Variants in INVS observed in about 807,000 individuals in gnomAD.
INVS encodes the protein inversin.
A neutral mutation model predicts 108.8 loss-of-function variants in INVS; 86 were observed. That is an observed-to-expected ratio of 0.79 (90% CI 0.66 to 0.95). The LOEUF (loss-of-function observed/expected upper bound fraction) is 0.95. Ranked by LOEUF, INVS falls within the 40% of genes least tolerant of loss-of-function variation. The pLI is 0.00. For synonymous variants in INVS, 455 were observed against 473.5 expected (o/e 0.96, Z 0.51); for missense variants, 1,169 against 1,297.4 (o/e 0.90, Z 1.52).
chr9:100,261,577 T>C (rs1397646114), intron 10 of INVS, among the ~76,000 whole-genome samples: 1 of 152,182 alleles, frequency 6.6e-6, no homozygotes, highest in East Asian at 1.9e-4. Context: ...GGAATGCATC[T>C]TTTATAATTT....
At chr9:100,121,272 A>G (rs1827720116) in intron 2 of INVS, among the ~76,000 whole-genome samples, 2 of 152,182 alleles carry the variant, frequency 1.3e-5, no homozygotes, top group African/African-American at 4.8e-5. Context: ...TACATTTGCA[A>G]AATCCCTTCA....
intron 3 of INVS, chr9:100,215,374 A>G (rs1334278773): frequency 1.3e-5 from 2 of 151,892 alleles, no homozygotes; most frequent in Non-Finnish European, 2.9e-5. Flanking sequence ...ATAATCCCCC[A>G]CTCCTTTTGT....
chr9:100,148,020 CAAAAA>C (rs551874913), intron 3 of INVS, among the ~76,000 whole-genome samples: 87 of 79,096 alleles, frequency 1.1e-3, no homozygotes, highest in African/African-American at 2.4e-3. Context: ...CCTGTCTCTA[CAAAAA>C]AAAAAAAAAA....
intron 2 of INVS, among the ~76,000 whole-genome samples, chr9:100,122,947 G>A (rs1284575860): frequency 2.0e-5 from 3 of 152,056 alleles, no homozygotes; most frequent in Non-Finnish European, 2.9e-5. Flanking sequence ...TACATTTAAT[G>A]TAATTATGAA....
Position 100,297,939 on chromosome 9 carries a change from G to T in INVS, c.3020G>T (p.Cys1007Phe). The part of the protein sequence containing the change: ...KHSVLKQIYG[C>F]SHEGKIHHPT... ...AACAGTTGTTGGTTCATTTCAGGTT[G>T]TTCTCACGAAGGGAAAATACATCAT... Residue 1007 changes from cysteine to phenylalanine, a missense_variant, in exon 16 of 17, where the codon TGT (cysteine) becomes TTT (phenylalanine). This residue lies in a region of INVS where 533 missense variants were observed against 536.0 expected (regional missense o/e 0.99). Coordinates refer to ENST00000262457, the MANE Select transcript of INVS (RefSeq NM_014425.5). 1 of 1,614,176 alleles carries T rather than the reference G, an allele frequency of 6.2e-7. No homozygotes were observed. The highest frequency in any genetic ancestry group is 1.1e-5 in the South Asian group (1 of 91,086).
rs529429962 is a variant in INVS, at chr9:100,131,287, C to T, written c.273+4738C>T. Among the ~76,000 whole-genome samples the T allele has an allele frequency of 2.0e-5, 3 of 152,106 alleles. 1 individual carries two copies. The South Asian group carries it at 6.2e-4, about 32-fold the overall frequency. ...TAGAAAGTCATTACTAATACAAATA[C>T]GAGACCTTTTGTTTATTGGAAACAT... On this transcript the variant is annotated intron_variant, in intron 3 of 16. Transcript: ENST00000262457.
intron 2 of INVS, among the ~76,000 whole-genome samples, chr9:100,105,850 C>CTTTTTTTTTTTTTTTTTT (rs543070811): frequency 2.0e-4 from 13 of 63,830 alleles, no homozygotes; most frequent in Admixed American, 2.6e-4. Flanking sequence ...GAAAAATTCC[C>CTTTTTTTTTTTTTTTTTT]TTTTTTTTTT....
At chr9:100,218,037 T>C (rs1013370864) in intron 3 of INVS, among the ~76,000 whole-genome samples, 14 of 152,166 alleles carry the variant, frequency 9.2e-5, no homozygotes, top group Admixed American at 9.2e-4. Context: ...ATGTTTCTAT[T>C]TTTCCATTTC....
intron 5 of INVS, among the ~76,000 whole-genome samples, chr9:100,231,163 A>G (rs1030864932): frequency 4.6e-5 from 7 of 152,330 alleles, no homozygotes; most frequent in Non-Finnish European, 7.3e-5. Context: ...TTTACATGCT[A>G]TGATAGTCCA....
At chr9:100,156,807 A>C (rs1243749134) in intron 3 of INVS, among the ~76,000 whole-genome samples, 1 of 143,834 alleles carries the variant, frequency 7.0e-6, no homozygotes, top group Non-Finnish European at 1.5e-5. Flanking sequence ...GATAGTATTA[A>C]GATTTTTAAA....
chr9:100,241,245 G>C (rs1358262707), intron 6 of INVS, among the ~76,000 whole-genome samples: 1 of 151,588 alleles, frequency 6.6e-6, no homozygotes, highest in African/African-American at 2.4e-5. Context: ...TTTTCTTCTG[G>C]ATTCTGGGCT....
intron 1 of INVS, among the ~76,000 whole-genome samples, chr9:100,100,944 AT>A (rs1247839040): frequency 8.2e-5 from 3 of 36,738 alleles, no homozygotes; most frequent in African/African-American, 3.8e-4. Flanking sequence ...TATAATATAT[AT>A]ACATATATAT....
At chr9:100,297,206 T>C in intron 15 of INVS, 60 bp downstream of exon 15, 3 of 1,294,420 alleles carry the variant, frequency 2.3e-6, no homozygotes, top group Non-Finnish European at 2.2e-6. Flanking sequence ...CACATCAGAA[T>C]CTGAAGTAGA....
At chr9:100,100,664 TTATATATGTACATATAATATATATATTA>T (rs1564111295) in intron 1 of INVS, among the ~76,000 whole-genome samples, 6 of 23,004 alleles carry the variant, frequency 2.6e-4, no homozygotes, top group African/African-American at 2.0e-3. Flanking sequence ...AATATATATA[TTATATATGTACATATAATATATATATTA>T]TATATGTACA....
In INVS at chr9:100,240,379, CTAAAT is replaced by C. The variant is rs755204003; in HGVS notation, c.796+142_796+146del. The C allele has an allele frequency of 3.2e-5, 18 of 554,886 alleles. No homozygotes were observed. The Admixed American group carries it at 4.4e-4, about 14-fold the overall frequency. The allele number at this position is 554,886 out of a possible 1,614,324, so 34.4% of individuals were successfully genotyped here. A position where few individuals can be genotyped will look rare whatever the true frequency, so the allele number is the denominator to read the frequency against. ...CTGATATGTTGCATTGTTTTATAAA[CTAAAT>C]TATAGTAATATAAATTTATTTTATG... On this transcript the variant is annotated intron_variant, in intron 6 of 16. Transcript: ENST00000262457.
intron 3 of INVS, among the ~76,000 whole-genome samples, chr9:100,166,643 TC>T (rs1261374874): frequency 6.6e-6 from 1 of 152,166 alleles, no homozygotes; most frequent in Non-Finnish European, 1.5e-5. Flanking sequence ...TTATACAAAG[TC>T]CTGTTCACCT....
intron 3 of INVS, among the ~76,000 whole-genome samples, chr9:100,156,924 A>G (rs958822858): frequency 4.0e-5 from 5 of 125,976 alleles, no homozygotes; most frequent in Admixed American, 9.5e-5. Flanking sequence ...ATATATATGT[A>G]TATATACATA....
intron 6 of INVS, among the ~76,000 whole-genome samples, chr9:100,241,582 G>A (rs1268621050): frequency 6.6e-6 from 1 of 152,096 alleles, no homozygotes; most frequent in Non-Finnish European, 1.5e-5. Flanking sequence ...TCCTGACAGT[G>A]TTTCTTTTTC....
chr9:100,122,322 G>T (rs1208283266), intron 2 of INVS, among the ~76,000 whole-genome samples: 3 of 151,976 alleles, frequency 2.0e-5, no homozygotes, highest in East Asian at 1.9e-4. Context: ...TATTCTATCA[G>T]TTTTTGCTGC....
Sources: allele counts gnomAD v4.1 joint callset (sites outside exome capture counted in the v4.1 genomes callset), GRCh38; gene constraint gnomAD v4.1.1; regional missense constraint gnomAD v4.1.1; transcripts MANE v1.5; gene names NCBI Gene and HGNC (gene_info 2026-07-23, HGNC 2026-07-21).